CAB39L: variants seen among roughly 807,000 people sequenced by gnomAD.
CAB39L encodes calcium-binding protein 39-like.
In CAB39L, 23 loss-of-function variants were observed where a neutral mutation model predicts 39.1. The observed-to-expected ratio is 0.59, with a 90% confidence interval of 0.42 to 0.83. The LOEUF (loss-of-function observed/expected upper bound fraction) is 0.83. Among genes scored for constraint, CAB39L ranks in the 40% least tolerant of loss-of-function variants. The pLI is 0.00. For missense variants in CAB39L, 366 were observed against 391.9 expected (o/e 0.93, Z 0.56); for synonymous variants, 126 against 137.2 (o/e 0.92, Z 0.57).
At chr13:49,391,960 C>A (rs573918435) in intron 3 of CAB39L, among the ~76,000 whole-genome samples, 11 of 152,108 alleles carry the variant, frequency 7.2e-5, no homozygotes, top group East Asian at 3.9e-4. Flanking sequence ...CACACACACA[C>A]ACACACACAC....
intron 3 of CAB39L, among the ~76,000 whole-genome samples, chr13:49,393,668 G>A (rs1956537962): frequency 6.6e-6 from 1 of 151,766 alleles, no homozygotes; most frequent in African/African-American, 2.4e-5. Context: ...ACATAATTAA[G>A]ATAGGAAAGA....
At chr13:49,405,203 T>G (rs886839117) in intron 3 of CAB39L, among the ~76,000 whole-genome samples, 2 of 151,232 alleles carry the variant, frequency 1.3e-5, no homozygotes, top group Admixed American at 6.6e-5. Flanking sequence ...GAATAACATA[T>G]AAAGGAGCCC....
rs1388761091 is a variant in CAB39L, at chr13:49,310,786, C to T, written c.*28G>A. The T allele has an allele frequency of 6.2e-7, 1 of 1,607,638 alleles. No individual in the cohort carries two copies. The highest frequency in any genetic ancestry group is 1.1e-5 in the South Asian group (1 of 90,482). On this transcript the variant is annotated 3_prime_UTR_variant, in exon 11 of 11. Coordinates refer to ENST00000409308, the MANE Select transcript of CAB39L (RefSeq NM_001079670.3). ...TGTACAAACTGGACAAATGAGACGA[C>T]TGACTGTGACAGGGGCCGGGGAGCT...
intron 4 of CAB39L, among the ~76,000 whole-genome samples, chr13:49,382,315 T>C (rs1452146175): frequency 1.3e-5 from 2 of 152,138 alleles, no homozygotes; most frequent in African/African-American, 4.8e-5. Flanking sequence ...TGAACTCGTG[T>C]ATTTCTTTTA....
chr13:49,345,355 A>G (rs1215273949), intron 7 of CAB39L, among the ~76,000 whole-genome samples: 1 of 152,244 alleles, frequency 6.6e-6, no homozygotes, highest in East Asian at 1.9e-4. Context: ...TTCAAAAATA[A>G]TAAGAGTGGC....
chr13:49,420,119 T>C (rs1957149432), intron 3 of CAB39L, among the ~76,000 whole-genome samples: 1 of 152,194 alleles, frequency 6.6e-6, no homozygotes. Context: ...TAGATATCTG[T>C]GAAAGGACAA....
chr13:49,404,222 C>T (rs534854631), intron 3 of CAB39L, among the ~76,000 whole-genome samples: 1 of 152,174 alleles, frequency 6.6e-6, no homozygotes, highest in Non-Finnish European at 1.5e-5. Context: ...GAAGAGAACA[C>T]GAGACTGTCT....
intron 10 of CAB39L, among the ~76,000 whole-genome samples, chr13:49,320,355 C>T (rs1954306457): frequency 6.6e-6 from 1 of 152,172 alleles, no homozygotes; most frequent in African/African-American, 2.4e-5. Context: ...GCCTTATTGC[C>T]TGTATCCCTC....
At chr13:49,440,539 AG>A (rs2138756819) in intron 1 of CAB39L, among the ~76,000 whole-genome samples, 1 of 151,998 alleles carries the variant, frequency 6.6e-6, no homozygotes, top group South Asian at 2.1e-4. Flanking sequence ...CACATTCAGT[AG>A]CACTGAATGT....
intron 5 of CAB39L, among the ~76,000 whole-genome samples, chr13:49,374,698 C>T (rs78958897): frequency 0.01 from 1,598 of 152,256 alleles, 11 homozygotes; most frequent in South Asian, 0.036. Flanking sequence ...CCCTAACTCC[C>T]CAATTCTTGG....
intron 5 of CAB39L, among the ~76,000 whole-genome samples, chr13:49,366,831 C>T (rs1360059409): frequency 5.3e-5 from 8 of 152,026 alleles, no homozygotes; most frequent in African/African-American, 1.7e-4. Flanking sequence ...GCCTGACCAA[C>T]GTGGTGAAAC....
chr13:49,350,999 C>T, intron 6 of CAB39L, 87 bp from the exon 7 acceptor site: 3 of 947,798 alleles, frequency 3.2e-6, no homozygotes, highest in Non-Finnish European at 4.5e-6. Context: ...TTCAATACTG[C>T]TATTAATGGA....
At chr13:49,356,576 C>A (rs1463491923) in intron 6 of CAB39L, among the ~76,000 whole-genome samples, 1 of 152,064 alleles carries the variant, frequency 6.6e-6, no homozygotes. Context: ...TGCTTTTTGT[C>A]TTATATTCTT....
At chr13:49,400,294 T>C (rs1299520039) in intron 3 of CAB39L, among the ~76,000 whole-genome samples, 1 of 152,088 alleles carries the variant, frequency 6.6e-6, no homozygotes, top group Non-Finnish European at 1.5e-5. Flanking sequence ...AGAACAATGA[T>C]TACATGCCTC....
intron 5 of CAB39L, among the ~76,000 whole-genome samples, chr13:49,375,931 C>T (rs1245107166): frequency 6.6e-6 from 1 of 152,182 alleles, no homozygotes; most frequent in Non-Finnish European, 1.5e-5. Flanking sequence ...CTGGGCCCTT[C>T]GGGGTCCCCA....
rs963525152 is a variant in CAB39L, at chr13:49,377,594, T to G, written c.112-463A>C. On this transcript the variant is annotated intron_variant, in intron 4 of 10. Transcript: ENST00000409308. Reference sequence around the variant, plus strand: ...TTTTGGTGGAGACGGGGTTTCGCTGTGTTGGCCGGGCAGGTCTCCAGCCCC... The same window carrying G: ...TTTTGGTGGAGACGGGGTTTCGCTGGGTTGGCCGGGCAGGTCTCCAGCCCC... Among the ~76,000 whole-genome samples the G allele has an allele frequency of 1.2e-4, 11 of 88,038 alleles. 4 individuals carry two copies. The highest frequency in any genetic ancestry group is 2.3e-4 in the Non-Finnish European group (10 of 43,996). 57.8% of individuals were successfully genotyped at this position (88,038 alleles called of 152,430 possible). A position where few individuals can be genotyped will look rare whatever the true frequency, so the allele number is the denominator to read the frequency against.
At chr13:49,338,019 C>A (rs1954896583) in intron 9 of CAB39L, among the ~76,000 whole-genome samples, 1 of 152,284 alleles carries the variant, frequency 6.6e-6, no homozygotes, top group East Asian at 1.9e-4. Flanking sequence ...AATAATTCAT[C>A]AAACTATGCT....
rs183849251 is a variant in CAB39L at position 49,439,945 on chromosome 13, T to A, written c.-246+4041A>T. Among the ~76,000 whole-genome samples, 523 of 132,072 alleles carry A rather than the reference T, an allele frequency of 4.0e-3. 4 individuals carry two copies. The highest frequency in any genetic ancestry group is 6.4e-3 in the Non-Finnish European group (392 of 60,998). 86.6% of individuals were successfully genotyped at this position (132,072 alleles called of 152,430 possible). On this transcript the variant is annotated intron_variant, in intron 1 of 10. Transcript: ENST00000409308. ...GGTTTTTTTTTTTTTTTTTTTTGCT[T>A]GTTGAATTAACTTCCTTATAGATTC...
At chr13:49,436,553 CTTTTTTTT>C (rs57141770) in intron 1 of CAB39L, among the ~76,000 whole-genome samples, 1 of 73,428 alleles carries the variant, frequency 1.4e-5, no homozygotes, top group Non-Finnish European at 2.3e-5. Context: ...TTCTTTATGA[CTTTTTTTT>C]TTTTTTTTTT....
Sources: allele counts gnomAD v4.1 joint callset (sites outside exome capture counted in the v4.1 genomes callset), GRCh38; gene constraint gnomAD v4.1.1; transcripts MANE v1.5; gene names NCBI Gene and HGNC (gene_info 2026-07-23, HGNC 2026-07-21).